The following PTPRK variants were observed in gnomAD, a reference collection of about 807,000 sequenced individuals.
The protein encoded by PTPRK is protein tyrosine phosphatase receptor type K, also known as receptor-type tyrosine-protein phosphatase kappa.
A neutral mutation model predicts 178.0 loss-of-function variants in PTPRK; 75 were observed. The ratio of observed to expected loss-of-function variants is 0.42; its 90% CI spans 0.35 to 0.51. The LOEUF is 0.51. Ranked by LOEUF, PTPRK falls within the 20% of genes least tolerant of loss-of-function variation. PTPRK has a pLI of 0.02. For missense variants in PTPRK, 1,441 were observed against 1,797.8 expected, an observed-to-expected ratio of 0.80 and a Z score of 3.59; for synonymous variants, 637 against 620.6, an observed-to-expected ratio of 1.03 and a Z score of -0.39.
At chr6:128,295,651 G>C (rs1001657589) in intron 3 of PTPRK, among the ~76,000 whole-genome samples, 1 of 152,036 alleles carries the variant, frequency 6.6e-6, no homozygotes, top group Non-Finnish European at 1.5e-5. Context: ...CTCATTTATA[G>C]TCAGGAGACC....
Position 127,995,484 on chromosome 6 carries a change from T to C in PTPRK, c.2822A>G (p.Tyr941Cys). The C allele has an allele frequency of 6.3e-7, 1 of 1,598,184 alleles. No individual in the cohort carries two copies. The highest frequency in any genetic ancestry group is 8.6e-7 in the Non-Finnish European group (1 of 1,169,070). Reference protein sequence around the residue: ...QPVEDDPSSDYINANYIDGYQ... With the variant: ...QPVEDDPSSDCINANYIDGYQ... ...TACATCAATATAGTTGGCATTAATA[T>C]AATCTGAGGAAGGATCATCCTCTAC... is the stretch of plus-strand genomic sequence containing the variant. Residue 941 changes from tyrosine (Y) to cysteine (C), a missense_variant, in exon 18 of 30, where the codon TAT becomes TGT. Physicochemically the swap from Tyr to Cys is radical, Grantham distance 194. This residue lies in a region of PTPRK where 945 missense variants were observed against 1,080.6 expected (regional missense o/e 0.87). Coordinates refer to ENST00000368226, the MANE Select transcript of PTPRK (RefSeq NM_002844.4).
At chr6:128,142,578 G>A (rs11961776) in intron 7 of PTPRK, among the ~76,000 whole-genome samples, 13,888 of 150,796 alleles carry the variant, frequency 0.092, 1,088 homozygotes, top group African/African-American at 0.21. Flanking sequence ...ACACACGTGT[G>A]GTTTTCACAG....
chr6:128,415,772 A>T (rs2128382440), intron 1 of PTPRK, among the ~76,000 whole-genome samples: 1 of 152,328 alleles, frequency 6.6e-6, no homozygotes, highest in East Asian at 1.9e-4. Context: ...TCACTCAATC[A>T]CAGTAATCTG....
rs1009774580 is a variant in PTPRK, at chr6:128,028,216, T to G, written c.2195-18948A>C. 5.9e-5 allele frequency among the ~76,000 whole-genome samples: 9 copies of G among 152,220 alleles called. No individual in the cohort carries two copies. In the South Asian group the frequency reaches 1.5e-3, roughly 25 times the overall value. ...TGGTAAAATAGTAACTACAAATAAT[T>G]ACAAGTCACAATCTTTGCAATTATG... On this transcript the variant is annotated intron_variant, in intron 13 of 29. Transcript: ENST00000368226.
intron 1 of PTPRK, among the ~76,000 whole-genome samples, chr6:128,497,304 T>C (rs1338643167): frequency 1.3e-5 from 2 of 152,180 alleles, no homozygotes; most frequent in Non-Finnish European, 2.9e-5. Flanking sequence ...CCTGGCTATA[T>C]ATACTTAAAA....
At chr6:128,236,919 C>T (rs1056119564) in intron 5 of PTPRK, among the ~76,000 whole-genome samples, 4 of 151,942 alleles carry the variant, frequency 2.6e-5, no homozygotes, top group Non-Finnish European at 4.4e-5. Flanking sequence ...TGAAATTATC[C>T]TAGATTAACT....
intron 6 of PTPRK, among the ~76,000 whole-genome samples, chr6:128,195,304 T>G (rs1804676396): frequency 6.6e-6 from 1 of 151,974 alleles, no homozygotes. Context: ...ACAAGCATAT[T>G]ATAAATACAT....
chr6:128,181,340 A>C (rs1486235483), intron 7 of PTPRK, among the ~76,000 whole-genome samples: 1 of 152,088 alleles, frequency 6.6e-6, no homozygotes, highest in Non-Finnish European at 1.5e-5. Flanking sequence ...TTTGATTGGT[A>C]CTTATTTTTA....
At chr6:128,108,960 C>T (rs1044009264) in intron 7 of PTPRK, among the ~76,000 whole-genome samples, 1 of 151,992 alleles carries the variant, frequency 6.6e-6, no homozygotes, top group African/African-American at 2.4e-5. Flanking sequence ...TAATTGTTTC[C>T]CCAAACTCTG....
At chr6:128,192,812 A>C (rs1014120162) in intron 6 of PTPRK, among the ~76,000 whole-genome samples, 9 of 139,488 alleles carry the variant, frequency 6.5e-5, no homozygotes, top group Non-Finnish European at 1.5e-5. Context: ...ATGAGACCCT[A>C]TATCAGAAAA....
intron 1 of PTPRK, among the ~76,000 whole-genome samples, chr6:128,420,221 C>T (rs1246883775): frequency 6.6e-6 from 1 of 152,066 alleles, no homozygotes; most frequent in Non-Finnish European, 1.5e-5. Context: ...TCCCAAATAA[C>T]TGAATCAAAT....
intron 7 of PTPRK, among the ~76,000 whole-genome samples, chr6:128,166,435 C>A (rs1037879676): frequency 1.3e-5 from 2 of 151,562 alleles, no homozygotes; most frequent in Non-Finnish European, 3.0e-5. Flanking sequence ...TCTGTTTCTG[C>A]AAATGTAAAA....
intron 2 of PTPRK, among the ~76,000 whole-genome samples, chr6:128,345,185 T>TA (rs1832262178): frequency 2.0e-5 from 3 of 152,274 alleles, no homozygotes; most frequent in Non-Finnish European, 4.4e-5. Context: ...TAGATACATG[T>TA]ATTCATACAC....
At chr6:127,975,142 A>G (rs1375324691) in intron 27 of PTPRK, among the ~76,000 whole-genome samples, 1 of 152,216 alleles carries the variant, frequency 6.6e-6, no homozygotes, top group Non-Finnish European at 1.5e-5. Flanking sequence ...GAGGCAGTTC[A>G]ATAAGTAAGC....
intron 3 of PTPRK, among the ~76,000 whole-genome samples, chr6:128,249,781 C>A (rs534525060): frequency 1.3e-5 from 2 of 151,954 alleles, no homozygotes; most frequent in South Asian, 4.2e-4. Flanking sequence ...ATGAGTAGAA[C>A]AAAATGATTT....
intron 7 of PTPRK, among the ~76,000 whole-genome samples, chr6:128,145,013 A>G (rs967651319): frequency 3.3e-5 from 5 of 152,128 alleles, no homozygotes; most frequent in African/African-American, 1.2e-4. Context: ...TAACTGTCAG[A>G]TGTGGTGTTT....
Position 128,089,883 on chromosome 6 carries a change from A to G in PTPRK, c.1272T>C (p.Asn424=), listed in dbSNP as rs1268543243. Residue 424 remains asparagine (N), a synonymous_variant, in exon 8 of 30, where the codon AAT becomes AAC. Coordinates refer to ENST00000368226, the MANE Select transcript of PTPRK (RefSeq NM_002844.4). ...GYNITRCHTF[N]VTICYHYFRG... is the part of the protein sequence containing the mutation. The stretch of plus-strand genomic sequence containing the variant: ...GGAAGTAATGGTAGCAGATAGTGAC[A>G]TTAAAAGTGTGGCAACGCGTAATGT... 2.5e-6 allele frequency: 4 copies of G among 1,613,928 alleles called. No individual in the cohort carries two copies. Among genetic ancestry groups the G allele is most frequent in the Non-Finnish European group, 3.4e-6 (4 of 1,179,808 alleles).
intron 7 of PTPRK, among the ~76,000 whole-genome samples, chr6:128,139,531 T>A (rs1795474476): frequency 6.6e-6 from 1 of 152,086 alleles, no homozygotes; most frequent in East Asian, 1.9e-4. Flanking sequence ...TGTGAAACTT[T>A]GAGGAAGGTC....
At chr6:128,197,160 T>A (rs1194031234) in intron 6 of PTPRK, among the ~76,000 whole-genome samples, 1 of 149,004 alleles carries the variant, frequency 6.7e-6, no homozygotes, top group Non-Finnish European at 1.5e-5. Flanking sequence ...TACAATTACA[T>A]TTTTTAATCT....
Sources: allele counts gnomAD v4.1 joint callset (sites outside exome capture counted in the v4.1 genomes callset), GRCh38; gene constraint gnomAD v4.1.1; regional missense constraint gnomAD v4.1.1; transcripts MANE v1.5; gene names NCBI Gene and HGNC (gene_info 2026-07-23, HGNC 2026-07-21).